LRP5: variants seen among roughly 807,000 people sequenced by gnomAD.
LRP5 encodes low-density lipoprotein receptor-related protein 5.
LRP5 carries 62 observed loss-of-function variants against 154.1 expected under a neutral mutation model. That is an observed-to-expected ratio of 0.40 (90% CI 0.33 to 0.50). LRP5 has a LOEUF of 0.50. LRP5 is among the 20% of genes least tolerant of loss of function. The pLI, the probability that LRP5 is intolerant of heterozygous loss-of-function variation, is 0.55. For missense variants in LRP5, 1,915 were observed against 2,336.7 expected (o/e 0.82, Z 3.72); for synonymous variants, 966 against 1,011.5 (o/e 0.96, Z 0.85).
At chr11:68,330,729 A>G (rs2098602254) in intron 1 of LRP5, among the ~76,000 whole-genome samples, 1 of 152,252 alleles carries the variant, frequency 6.6e-6, no homozygotes. Context: ...CCAAATCAAG[A>G]AAGTCACTGG....
chr11:68,427,478 G>A (rs1591314686), intron 16 of LRP5, among the ~76,000 whole-genome samples: 1 of 152,150 alleles, frequency 6.6e-6, no homozygotes, highest in Non-Finnish European at 1.5e-5. Flanking sequence ...TTGGGAGTTC[G>A]AGACCAGCCT....
chr11:68,444,665 A>G (rs2098680497), intron 21 of LRP5, among the ~76,000 whole-genome samples: 1 of 149,126 alleles, frequency 6.7e-6, no homozygotes, highest in Non-Finnish European at 1.5e-5. Flanking sequence ...GAGGCGCTGC[A>G]CTGGTGGATC....
intron 18 of LRP5, among the ~76,000 whole-genome samples, chr11:68,436,560 C>CA (rs2098675067): frequency 6.6e-6 from 1 of 152,158 alleles, no homozygotes; most frequent in African/African-American, 2.4e-5. Context: ...CCCACCCCCC[C>CA]ACCAACCTGG....
At chr11:68,358,629 T>A (rs2153136566) in intron 3 of LRP5, among the ~76,000 whole-genome samples, 1 of 152,278 alleles carries the variant, frequency 6.6e-6, no homozygotes, top group African/African-American at 2.4e-5. Flanking sequence ...CATTCCCCAG[T>A]CTCACCAGGG....
rs549145036 is a variant in LRP5, at chr11:68,391,029, G to A, written c.1584+977G>A. On this transcript the variant is annotated intron_variant, in intron 7 of 22. Transcript: ENST00000294304. ...GTTGCCCAGGCTGGAGTGCAGTGGC[G>A]CGATCTCAGCTCACTGAAACCTCTG... Among the ~76,000 whole-genome samples, 10 of 152,258 alleles carry A rather than the reference G, an allele frequency of 6.6e-5. No individual in the cohort carries two copies. The East Asian group carries it at 7.7e-4, about 12-fold the overall frequency.
At chr11:68,421,094 G>A (rs2098665325) in intron 13 of LRP5, among the ~76,000 whole-genome samples, 1 of 152,052 alleles carries the variant, frequency 6.6e-6, no homozygotes, top group Non-Finnish European at 1.5e-5. Flanking sequence ...AGGTGTGGTG[G>A]CGGGCACCTG....
At chr11:68,377,862 CCGGA>C (rs2098638207) in intron 5 of LRP5, among the ~76,000 whole-genome samples, 1 of 690 alleles carries the variant, frequency 1.4e-3, no homozygotes. Flanking sequence ...TCAGCTTTCC[CCGGA>C]TCTCAGCTTT....
chr11:68,352,323 G>C (rs1379955504), intron 2 of LRP5, among the ~76,000 whole-genome samples: 1 of 152,228 alleles, frequency 6.6e-6, no homozygotes, highest in Non-Finnish European at 1.5e-5. Flanking sequence ...CTGTGCCTCA[G>C]TATCCTTGTC....
At chr11:68,316,364 T>C (rs2098593389) in intron 1 of LRP5, among the ~76,000 whole-genome samples, 1 of 152,102 alleles carries the variant, frequency 6.6e-6, no homozygotes, top group Admixed American at 6.6e-5. Context: ...TTCTGCCTCC[T>C]GGGTTTAAGT....
rs758724530 is a variant in LRP5, at chr11:68,413,796, G to A, written c.2611G>A (p.Ala871Thr). ...TDWNLHSIERADKTSGRNRTL... is the reference protein window; with the variant it reads ...TDWNLHSIERTDKTSGRNRTL... Reference sequence around the variant, plus strand: ...CTGGAATCTGCACAGCATTGAGCGGGCCGACAAGACTAGCGGCCGGAACCG... The same window carrying A: ...CTGGAATCTGCACAGCATTGAGCGGACCGACAAGACTAGCGGCCGGAACCG... Residue 871 changes from alanine (A) to threonine (T), a missense_variant, in exon 12 of 23, where the codon GCC (alanine) becomes ACC (threonine). Ala to Thr is a moderately conservative substitution (Grantham distance 58). Transcript: ENST00000294304. This position sits in a 1 kb window ranked among gnomAD's most constrained non-coding sequence, Gnocchi z 5.1. 2 of 1,613,402 alleles carry A rather than the reference G, an allele frequency of 1.2e-6. No homozygotes were observed. Among genetic ancestry groups the A allele is most frequent in the Admixed American group, 1.7e-5 (1 of 60,010 alleles).
At chr11:68,332,292 A>G (rs2098603288) in intron 1 of LRP5, among the ~76,000 whole-genome samples, 2 of 152,228 alleles carry the variant, frequency 1.3e-5, no homozygotes, top group Admixed American at 1.3e-4. Flanking sequence ...TGTCATGCAA[A>G]TGTCAGCAGC....
At chr11:68,337,614 T>C (rs890765447) in intron 1 of LRP5, among the ~76,000 whole-genome samples, 1 of 151,526 alleles carries the variant, frequency 6.6e-6, no homozygotes, top group African/African-American at 2.4e-5. Context: ...CTGCCCACTC[T>C]AACCGCAGCC....
chr11:68,356,618 G>C (rs113356960), intron 2 of LRP5, among the ~76,000 whole-genome samples: 1 of 152,266 alleles, frequency 6.6e-6, no homozygotes, highest in African/African-American at 2.4e-5. Flanking sequence ...GCTGGCTGAC[G>C]CACCATCACC....
intron 21 of LRP5, 120 bp from the exon 22 acceptor site, chr11:68,446,316 G>A (rs2098681388): frequency 3.9e-6 from 3 of 766,790 alleles, no homozygotes; most frequent in African/African-American, 1.7e-5. Flanking sequence ...AGAGGAAGGG[G>A]TCCTGGGAAG....
At chr11:68,299,585 CT>C in the LRP5 span, among the ~76,000 whole-genome samples, 1,927 of 115,052 alleles carry the variant, frequency 0.017, 27 homozygotes, top group East Asian at 0.042. Context: ...AAGGGCCAGT[CT>C]TTTTTTTTTT....
At chr11:68,422,984 T>C (rs1042041669) in intron 13 of LRP5, among the ~76,000 whole-genome samples, 3 of 152,044 alleles carry the variant, frequency 2.0e-5, no homozygotes, top group Admixed American at 6.6e-5. Flanking sequence ...TCTGTCCTGG[T>C]GCCCTGCAGA....
At chr11:68,364,316 A>G (rs1328394974) in intron 4 of LRP5, among the ~76,000 whole-genome samples, 4 of 150,536 alleles carry the variant, frequency 2.7e-5, no homozygotes, top group East Asian at 1.9e-4. Flanking sequence ...ACATACACGT[A>G]TGTGTGTATA....
intron 13 of LRP5, among the ~76,000 whole-genome samples, chr11:68,420,217 A>G (rs1459549218): frequency 6.6e-6 from 1 of 151,386 alleles, no homozygotes; most frequent in East Asian, 1.9e-4. Context: ...CATTGAACAC[A>G]CTCCTCATCT....
chr11:68,397,972 T>TTG (rs113280059), intron 7 of LRP5, among the ~76,000 whole-genome samples: 16,928 of 142,112 alleles, frequency 0.12, 1,016 homozygotes, highest in Middle Eastern at 0.18. Context: ...CTGTGTGTGT[T>TTG]TGTGTGTGTG....
Sources: allele counts gnomAD v4.1 joint callset (sites outside exome capture counted in the v4.1 genomes callset), GRCh38; gene constraint gnomAD v4.1.1; non-coding constraint Gnocchi (gnomAD v3.1); transcripts MANE v1.5; gene names NCBI Gene and HGNC (gene_info 2026-07-23, HGNC 2026-07-21).